Variants in CERK observed in about 807,000 individuals in gnomAD.
The protein encoded by CERK is acylsphingosine kinase.
A neutral mutation model predicts 63.4 loss-of-function variants in CERK; 39 were observed. The ratio of observed to expected loss-of-function variants is 0.61; its 90% CI spans 0.48 to 0.80. The LOEUF is 0.80. Ranked by LOEUF, CERK falls within the 30% of genes least tolerant of loss-of-function variation. The probability of loss-of-function intolerance (pLI) is 0.00; values close to 1 mark genes in which losing one functional copy is unlikely to be tolerated. For missense variants in CERK, 670 were observed against 714.1 expected, an observed-to-expected ratio of 0.94 and a Z score of 0.70; for synonymous variants, 302 against 280.0, an observed-to-expected ratio of 1.08 and a Z score of -0.78.
intron 5 of CERK, among the ~76,000 whole-genome samples, 177 bp from the exon 6 acceptor site, chr22:46,708,165 C>T (rs1037447374): frequency 1.3e-5 from 2 of 152,204 alleles, no homozygotes; most frequent in African/African-American, 4.8e-5. Flanking sequence ...TGCCAGTTGG[C>T]CTAGACCACG....
intron 1 of CERK, among the ~76,000 whole-genome samples, chr22:46,729,913 C>G (rs1297439096): frequency 6.6e-6 from 1 of 152,064 alleles, no homozygotes; most frequent in Non-Finnish European, 1.5e-5. Context: ...GTGGCAGGCG[C>G]CTGTAGTCCC....
chr22:46,691,056 T>TACACACACACACACACACAC lies in CERK; in HGVS notation c.1332+496_1332+515dup, dbSNP rs141210280. Among the ~76,000 whole-genome samples the TACACACACACACACACACAC allele has an allele frequency of 9.5e-3, 1,394 of 147,248 alleles. 12 individuals carry two copies. Among genetic ancestry groups the TACACACACACACACACACAC allele is most frequent in the East Asian group, 0.011 (55 of 4,984 alleles). ...ACATACACACACATGTATACATACA[T>TACACACACACACACACACAC]ACACACACACACACACACACACACA... On this transcript the variant is annotated intron_variant, in intron 11 of 12. Coordinates refer to ENST00000216264, the MANE Select transcript of CERK (RefSeq NM_022766.6).
intron 12 of CERK, among the ~76,000 whole-genome samples, chr22:46,687,645 C>T (rs549089816): frequency 2.0e-5 from 3 of 148,214 alleles, no homozygotes; most frequent in East Asian, 4.2e-4. Context: ...GGAGTCTGTG[C>T]GGGGCGACTC....
chr22:46,709,563 C>T lies in CERK; in HGVS notation c.569+1523G>A, dbSNP rs1601718969. 2.0e-5 allele frequency among the ~76,000 whole-genome samples: 3 copies of T among 152,216 alleles called. No homozygotes were observed. In the South Asian group the frequency reaches 6.2e-4, roughly 32 times the overall value. On this transcript the variant is annotated intron_variant, in intron 5 of 12. Transcript: ENST00000216264. ...GGCTCCTTTTATTTCCCTTTCTAACCTTAGCACCAGCAGAGTGCTGGGACC... is the reference window on the plus strand; with the variant it reads ...GGCTCCTTTTATTTCCCTTTCTAACTTTAGCACCAGCAGAGTGCTGGGACC...
intron 1 of CERK, among the ~76,000 whole-genome samples, chr22:46,722,913 G>A (rs1030073085): frequency 7.2e-5 from 11 of 152,306 alleles, no homozygotes; most frequent in East Asian, 1.9e-4. Context: ...AGGATTCCCC[G>A]TGGGTGGAGG....
chr22:46,703,506 A>G (rs973335601), intron 6 of CERK, among the ~76,000 whole-genome samples: 17 of 152,082 alleles, frequency 1.1e-4, no homozygotes, highest in African/African-American at 4.1e-4. Flanking sequence ...GTCAGGTCTC[A>G]CTCACAACTC....
Position 46,720,170 on chromosome 22 carries a change from A to C in CERK, c.295T>G (p.Trp99Gly), listed in dbSNP as rs762550293. The stretch of plus-strand genomic sequence containing the variant: ...GGACACCAGAAAGTCACCTGCGCCC[A>C]CTTCCAGCGGTGCCGTCGTGCTCTC... Reference protein sequence around the residue: ...VKRARRHRWKWAQVTFWCPEE... With the variant: ...VKRARRHRWKGAQVTFWCPEE... Residue 99 changes from tryptophan (W) to glycine (G), a missense_variant, in exon 3 of 13, where the codon TGG becomes GGG. By Grantham distance (184) the Trp-to-Gly change is radical. Transcript: ENST00000216264. 1.6e-4 allele frequency: 261 copies of C among 1,613,884 alleles called. No homozygotes were observed. Among genetic ancestry groups the C allele is most frequent in the Non-Finnish European group, 2.1e-4 (248 of 1,180,000 alleles).
At position 46,690,014 on chromosome 22, in the gene CERK, G is replaced by A. The variant is rs757374697; in HGVS notation, c.1519C>T (p.His507Tyr). The A allele has an allele frequency of 1.9e-6, 3 of 1,608,822 alleles. No homozygotes were observed. The highest frequency in any genetic ancestry group is 2.2e-5 in the South Asian group (2 of 90,958). The change falls in exon 12 of 13, where the codon CAC becomes TAC. Residue 507 changes from histidine to tyrosine, a missense_variant. Physicochemically the swap from His to Tyr is moderately conservative, Grantham distance 83. Transcript: ENST00000216264. Reference protein sequence around the residue: ...SSWNCDGEVLHSPAIEVRVHC... With the variant: ...SSWNCDGEVLYSPAIEVRVHC... ...CACCTGACCTCGATGGCAGGGCTGT[G>A]CAGGACCTCCCCGTCGCAGTTCCAG...
intron 11 of CERK, among the ~76,000 whole-genome samples, chr22:46,691,056 T>TACACACACACACACACACACACACAC (rs141210280): frequency 4.8e-5 from 7 of 147,302 alleles, no homozygotes; most frequent in South Asian, 2.2e-4. Context: ...TATACATACA[T>TACACACACACACACACACACACACAC]ACACACACAC....
At chr22:46,717,945 G>A (rs2082874228) in intron 3 of CERK, among the ~76,000 whole-genome samples, 1 of 152,178 alleles carries the variant, frequency 6.6e-6, no homozygotes, top group African/African-American at 2.4e-5. Flanking sequence ...GCCAGGTGTG[G>A]TAATGGGTGC....
intron 11 of CERK, 76 bp from the exon 12 acceptor site, chr22:46,690,276 C>A: frequency 8.1e-7 from 1 of 1,228,044 alleles, no homozygotes; most frequent in Admixed American, 2.2e-5. Flanking sequence ...CACCCCAGGC[C>A]TGACAGCGAG....
chr22:46,716,111 G>T (rs115439369), intron 3 of CERK, among the ~76,000 whole-genome samples: 4,811 of 152,070 alleles, frequency 0.032, 104 homozygotes, highest in Middle Eastern at 0.082. Context: ...CATTGCTTGA[G>T]CTCAGGAGTT....
rs193091997 is a variant in CERK, at chr22:46,717,440, C to T, written c.379+2646G>A. ...AACATTCACATCACGGAATACCATA[C>T]GGCCTAGAGAATGGACAAACGGCAG... On this transcript the variant is annotated intron_variant, in intron 3 of 12. Coordinates refer to ENST00000216264, the MANE Select transcript of CERK (RefSeq NM_022766.6). Among the ~76,000 whole-genome samples the T allele has an allele frequency of 5.3e-5, 8 of 152,344 alleles. No individual in the cohort carries two copies. The South Asian group carries it at 8.3e-4, about 16-fold the overall frequency.
chr22:46,701,719 G>C lies in CERK; in HGVS notation c.716-9C>G, dbSNP rs1435002116. On this transcript the variant is annotated splice_polypyrimidine_tract_variant and intron_variant, in intron 6 of 12. Coordinates refer to ENST00000216264, the MANE Select transcript of CERK (RefSeq NM_022766.6). ...CACGCAGTCCGTTGACCCTGTAAAG[G>C]GAAAAAGAAGGTCCCAAATAGCATC... The C allele has an allele frequency of 6.5e-7, 1 of 1,550,112 alleles. No homozygotes were observed. Among genetic ancestry groups the C allele is most frequent in the Admixed American group, 2.0e-5 (1 of 50,956 alleles).
intron 1 of CERK, among the ~76,000 whole-genome samples, chr22:46,728,275 G>A (rs978484612): frequency 5.3e-5 from 8 of 152,060 alleles, no homozygotes; most frequent in African/African-American, 1.9e-4. Context: ...GGTGCCTCAG[G>A]GAACTTTGTC....
intron 1 of CERK, among the ~76,000 whole-genome samples, chr22:46,727,352 T>C (rs909489482): frequency 1.3e-5 from 2 of 151,816 alleles, no homozygotes; most frequent in African/African-American, 2.4e-5. Context: ...CAATCTCAGC[T>C]CACTGCAGCC....
At position 46,687,069 on chromosome 22, in the gene CERK, G is replaced by A; in HGVS notation, c.*65C>T. ...TTTAAATGTATATATCAACATAATT[G>A]GTCTGTAATAATTATCTTAAATAGT... On this transcript the variant is annotated 3_prime_UTR_variant, in exon 13 of 13. Transcript: ENST00000216264. 8.0e-7 allele frequency: 1 copy of A among 1,254,510 alleles called. No homozygotes were observed. Among genetic ancestry groups the A allele is most frequent in the South Asian group, 1.2e-5 (1 of 82,586 alleles). The allele number at this position is 1,254,510 out of a possible 1,614,324, so 77.7% of individuals were successfully genotyped here. A position where few individuals can be genotyped will look rare whatever the true frequency, so the allele number is the denominator to read the frequency against.
chr22:46,703,676 A>C (rs1220142015), intron 6 of CERK, among the ~76,000 whole-genome samples: 1 of 151,962 alleles, frequency 6.6e-6, no homozygotes, highest in African/African-American at 2.4e-5. Flanking sequence ...GACCCCATGC[A>C]GCGCCCTTAC....
intron 9 of CERK, 129 bp from the exon 10 acceptor site, chr22:46,693,632 T>C (rs1002442989): frequency 1.4e-6 from 1 of 734,928 alleles, no homozygotes; most frequent in African/African-American, 1.8e-5. Flanking sequence ...CTTAACAAAA[T>C]ATTTTTTGGC....
Sources: gnomAD v4.1 joint callset for allele counts (sites outside exome capture counted in the v4.1 genomes callset) on GRCh38, gnomAD v4.1.1 for gene constraint, MANE v1.5 for transcripts, NCBI Gene and HGNC (gene_info 2026-07-23, HGNC 2026-07-21) for gene names.